Variants in EVI5 observed in about 807,000 individuals in gnomAD.
The protein encoded by EVI5 is ecotropic viral integration site 5 protein homolog.
Under a neutral mutation model 112.0 loss-of-function variants are expected in EVI5, and 73 were observed. The ratio of observed to expected loss-of-function variants is 0.65; its 90% confidence interval spans 0.54 to 0.79. EVI5 has a LOEUF of 0.79. Among genes scored for constraint, EVI5 ranks in the 30% least tolerant of loss-of-function variants. The pLI is 0.00. For synonymous variants in EVI5, 305 were observed against 319.9 expected, an observed-to-expected ratio of 0.95 and a Z score of 0.50; for missense variants, 900 against 968.8, an observed-to-expected ratio of 0.93 and a Z score of 0.94.
In EVI5 at chr1:92,579,201, T is replaced by C. The variant is rs183329831; in HGVS notation, c.2071-15464A>G. 6.4e-4 allele frequency among the ~76,000 whole-genome samples: 98 copies of C among 152,358 alleles called. 3 individuals carry two copies. Among genetic ancestry groups the C allele is most frequent in the East Asian group, 2.5e-3 (13 of 5,192 alleles). On this transcript the variant is annotated intron_variant, in intron 18 of 19. Transcript: ENST00000684568. Reference sequence around the variant, plus strand: ...AGTTTCTCGTGTATCTTCTGTAGCATTGGATGATCAGATGGCTCCTAAATA... The same window carrying C: ...AGTTTCTCGTGTATCTTCTGTAGCACTGGATGATCAGATGGCTCCTAAATA...
chr1:92,680,484 G>A (rs1667406498), intron 9 of EVI5, among the ~76,000 whole-genome samples: 1 of 152,144 alleles, frequency 6.6e-6, no homozygotes, highest in African/African-American at 2.4e-5. Flanking sequence ...AGGGTGAAGG[G>A]AAAGCTCTTC....
At chr1:92,665,212 T>TA (rs1664691834) in intron 11 of EVI5, among the ~76,000 whole-genome samples, 2 of 151,802 alleles carry the variant, frequency 1.3e-5, no homozygotes, top group Middle Eastern at 3.4e-3. Flanking sequence ...CTCAAAAAAA[T>TA]AAAAAAGAAA....
At chr1:92,565,999 T>A (rs1024624682) in intron 18 of EVI5, among the ~76,000 whole-genome samples, 3 of 131,264 alleles carry the variant, frequency 2.3e-5, no homozygotes, top group African/African-American at 9.0e-5. Flanking sequence ...TGGGTAGCAC[T>A]CCTATAGGGT....
At chr1:92,789,508 T>C (rs1472392480), upstream of EVI5, among the ~76,000 whole-genome samples, 1 of 152,134 alleles carries the variant, frequency 6.6e-6, no homozygotes, top group Non-Finnish European at 1.5e-5. Context: ...TTCACCATGT[T>C]AGCCAGGACG....
chr1:92,598,723 A>G (rs1648487372), intron 18 of EVI5, among the ~76,000 whole-genome samples: 1 of 152,166 alleles, frequency 6.6e-6, no homozygotes, highest in South Asian at 2.1e-4. Flanking sequence ...ATAATTTTAT[A>G]GCAAAAAACC....
At chr1:92,560,884 T>TC (rs1027293817) in intron 19 of EVI5, among the ~76,000 whole-genome samples, 4 of 151,816 alleles carry the variant, frequency 2.6e-5, no homozygotes, top group Admixed American at 6.6e-5. Flanking sequence ...TTTTTTTTTT[T>TC]TTTAAAGCTT....
chr1:92,722,886 G>A (rs879494484), intron 2 of EVI5, among the ~76,000 whole-genome samples: 2 of 152,102 alleles, frequency 1.3e-5, no homozygotes, highest in Non-Finnish European at 2.9e-5. Flanking sequence ...AAGTTATGTG[G>A]CACACCCAGC....
chr1:92,727,637 G>T (rs2102743937), intron 2 of EVI5, among the ~76,000 whole-genome samples: 1 of 152,126 alleles, frequency 6.6e-6, no homozygotes, highest in African/African-American at 2.4e-5. Context: ...AAATAAAATG[G>T]CTTAAATAAC....
chr1:92,565,723 C>T (rs1164539607), intron 18 of EVI5, among the ~76,000 whole-genome samples: 1 of 151,892 alleles, frequency 6.6e-6, no homozygotes, highest in Non-Finnish European at 1.5e-5. Context: ...AATCCCAGCA[C>T]TTCAGGAGGC....
At chr1:92,546,394 A>C (rs2100688784) in intron 19 of EVI5, among the ~76,000 whole-genome samples, 1 of 152,088 alleles carries the variant, frequency 6.6e-6, no homozygotes, top group Middle Eastern at 3.4e-3. Context: ...AACAAAACTA[A>C]ACTTACCAAA....
intron 19 of EVI5, among the ~76,000 whole-genome samples, chr1:92,547,893 T>C (rs1214823129): frequency 6.6e-6 from 1 of 152,210 alleles, no homozygotes; most frequent in African/African-American, 2.4e-5. Context: ...ACCAGATGGA[T>C]TCACAGCCGA....
At chr1:92,718,344 T>C (rs903054276) in intron 2 of EVI5, among the ~76,000 whole-genome samples, 1 of 152,124 alleles carries the variant, frequency 6.6e-6, no homozygotes, top group African/African-American at 2.4e-5. Flanking sequence ...ACAAACGGTC[T>C]CTCAGACAAC....
Position 92,511,100 on chromosome 1 carries a change from GTA to G in EVI5, c.*2554_*2555del, listed in dbSNP as rs1400208254. On this transcript the variant is annotated 3_prime_UTR_variant, in exon 20 of 20. Coordinates refer to ENST00000684568, the MANE Select transcript of EVI5 (RefSeq NM_001350197.2). ...AGTGTTGATACTCATCTATCTATCT[GTA>G]TATATATTCAGGAAACATTTAAATC... 1 of 152,084 alleles carries G rather than the reference GTA, an allele frequency of 6.6e-6. No individual in the cohort carries two copies. Among genetic ancestry groups the G allele is most frequent in the Non-Finnish European group, 1.5e-5 (1 of 68,016 alleles). The allele number at this position is 152,084 out of a possible 1,614,324, so 9.4% of individuals were successfully genotyped here.
At chr1:92,694,463 C>A in intron 7 of EVI5, 75 bp from the exon 8 acceptor site, 1 of 820,116 alleles carries the variant, frequency 1.2e-6, no homozygotes, top group Admixed American at 2.3e-5. Flanking sequence ...TGAAATAATA[C>A]TAAGGTAAAC....
At chr1:92,633,127 C>G (rs987454742) in intron 14 of EVI5, among the ~76,000 whole-genome samples, 6 of 152,042 alleles carry the variant, frequency 3.9e-5, no homozygotes, top group Non-Finnish European at 5.9e-5. Context: ...GTGTTGTGTG[C>G]TGCTGAAAGA....
At chr1:92,657,362 G>A (rs1007082656) in intron 13 of EVI5, among the ~76,000 whole-genome samples, 11 of 151,978 alleles carry the variant, frequency 7.2e-5, no homozygotes, top group South Asian at 2.1e-4. Flanking sequence ...AAAACCCAAC[G>A]AAACAAAAAC....
intron 19 of EVI5, among the ~76,000 whole-genome samples, chr1:92,558,803 G>A (rs1315810850): frequency 1.3e-5 from 2 of 149,890 alleles, no homozygotes; most frequent in South Asian, 4.2e-4. Context: ...GGAGTCAGAG[G>A]CCAGCCTGAG....
At chr1:92,605,443 T>C in intron 17 of EVI5, 41 bp from the exon 18 acceptor site, 1 of 1,342,582 alleles carries the variant, frequency 7.4e-7, no homozygotes, top group Non-Finnish European at 1.1e-6. Flanking sequence ...AAACCAGGTG[T>C]GTTTGGAATT....
intron 14 of EVI5, among the ~76,000 whole-genome samples, chr1:92,628,918 G>GA (rs893832204): frequency 2.6e-5 from 4 of 151,940 alleles, no homozygotes; most frequent in Non-Finnish European, 5.9e-5. Flanking sequence ...GCTGGAAGCA[G>GA]AAAAAAAGAG....
Sources: allele counts gnomAD v4.1 joint callset (sites outside exome capture counted in the v4.1 genomes callset), GRCh38; gene constraint gnomAD v4.1.1; transcripts MANE v1.5; gene names NCBI Gene and HGNC (gene_info 2026-07-23, HGNC 2026-07-21).